The following DCC variants were observed in gnomAD, a reference collection of about 807,000 sequenced individuals.
The protein encoded by DCC is DCC netrin 1 receptor.
DCC carries 58 observed loss-of-function variants against 172.5 expected under a neutral mutation model. The observed-to-expected ratio is 0.34, with a 90% CI of 0.27 to 0.42. DCC has a LOEUF of 0.42. Among genes scored for constraint, DCC ranks in the 10% least tolerant of loss-of-function variants. The pLI is 1.00. For missense variants in DCC, 1,740 were observed against 1,791.0 expected (o/e 0.97, Z 0.51); for synonymous variants, 709 against 644.5 (o/e 1.10, Z -1.52).
chr18:53,167,437 C>T (rs187720181), intron 8 of DCC, among the ~76,000 whole-genome samples: 90 of 152,058 alleles, frequency 5.9e-4, no homozygotes, highest in African/African-American at 2.0e-3. Flanking sequence ...CTCTCCATTA[C>T]GGATAATGAA....
At chr18:53,469,458 A>G (rs147979080) in intron 25 of DCC, among the ~76,000 whole-genome samples, 32 of 152,300 alleles carry the variant, frequency 2.1e-4, no homozygotes, top group African/African-American at 7.5e-4. Flanking sequence ...TTCAGATTTC[A>G]GTATCTCCCA....
intron 7 of DCC, among the ~76,000 whole-genome samples, chr18:53,094,994 A>G (rs1471297569): frequency 6.6e-6 from 1 of 152,166 alleles, no homozygotes; most frequent in Non-Finnish European, 1.5e-5. Flanking sequence ...ATGTCTTGCT[A>G]TTACTACACA....
intron 1 of DCC, among the ~76,000 whole-genome samples, chr18:52,371,760 T>C (rs1433089467): frequency 6.6e-6 from 1 of 152,226 alleles, no homozygotes; most frequent in Non-Finnish European, 1.5e-5. Flanking sequence ...GTCTGGTTTA[T>C]GCTAGTTTCC....
intron 1 of DCC, among the ~76,000 whole-genome samples, chr18:52,462,850 T>TTGAA (rs78177790): frequency 0.22 from 34,006 of 151,516 alleles, 4,563 homozygotes; most frequent in Admixed American, 0.31. Flanking sequence ...GAATTATGTA[T>TTGAA]TGAATGAATG....
chr18:52,758,239 A>G (rs1326753666), intron 2 of DCC, among the ~76,000 whole-genome samples: 3 of 152,216 alleles, frequency 2.0e-5, no homozygotes, highest in Admixed American at 1.3e-4. Flanking sequence ...AAGCTCATAA[A>G]TAATGATCTT....
At chr18:53,363,556 C>T (rs940415096) in intron 15 of DCC, among the ~76,000 whole-genome samples, 1 of 152,056 alleles carries the variant, frequency 6.6e-6, no homozygotes, top group African/African-American at 2.4e-5. Context: ...CATTCTCTCC[C>T]GTGGCCCTCT....
chr18:52,990,899 A>G (rs2041378641), intron 5 of DCC, among the ~76,000 whole-genome samples: 1 of 151,538 alleles, frequency 6.6e-6, no homozygotes, highest in Admixed American at 6.6e-5. Context: ...TCAGTGTGCC[A>G]TGCATGAGCC....
intron 2 of DCC, among the ~76,000 whole-genome samples, chr18:52,784,799 G>A (rs1050485194): frequency 3.3e-5 from 5 of 151,824 alleles, no homozygotes; most frequent in Middle Eastern, 3.2e-3. Flanking sequence ...GGGGTTCATC[G>A]TCTCATGCTG....
intron 2 of DCC, among the ~76,000 whole-genome samples, chr18:52,843,504 A>C (rs1456834192): frequency 6.6e-6 from 1 of 152,122 alleles, no homozygotes. Context: ...TAATATAAAA[A>C]GTACTGCATT....
chr18:53,356,356 A>G (rs980263654), intron 15 of DCC, among the ~76,000 whole-genome samples: 2 of 151,840 alleles, frequency 1.3e-5, no homozygotes, highest in Non-Finnish European at 2.9e-5. Flanking sequence ...TTTCTTCATT[A>G]TGAGTTGTAT....
chr18:52,837,389 G>C (rs2038725141), intron 2 of DCC, among the ~76,000 whole-genome samples: 1 of 152,094 alleles, frequency 6.6e-6, no homozygotes, highest in African/African-American at 2.4e-5. Flanking sequence ...ATGCTCTGCT[G>C]TTCTTGAATG....
At chr18:52,473,118 T>G (rs916588181) in intron 1 of DCC, among the ~76,000 whole-genome samples, 1 of 152,298 alleles carries the variant, frequency 6.6e-6, no homozygotes, top group African/African-American at 2.4e-5. Context: ...AATGTTTTCA[T>G]TATTTTTAGA....
intron 26 of DCC, among the ~76,000 whole-genome samples, chr18:53,487,948 G>T (rs562855925): frequency 5.3e-5 from 8 of 152,142 alleles, no homozygotes; most frequent in Non-Finnish European, 8.8e-5. Flanking sequence ...ACTGGAAATG[G>T]AATTCCAATC....
At chr18:52,917,018 C>G (rs2145472646) in intron 3 of DCC, among the ~76,000 whole-genome samples, 1 of 146,716 alleles carries the variant, frequency 6.8e-6, no homozygotes, top group South Asian at 2.1e-4. Context: ...CACAGTGGCT[C>G]ATGCCCATAA....
chr18:52,729,417 A>G (rs2036601048), intron 1 of DCC, among the ~76,000 whole-genome samples: 1 of 151,910 alleles, frequency 6.6e-6, no homozygotes, highest in African/African-American at 2.4e-5. Flanking sequence ...CCACCACTGC[A>G]CCTGCCTAAT....
chr18:52,942,706 A>G (rs1052563516), intron 5 of DCC, among the ~76,000 whole-genome samples: 1 of 152,196 alleles, frequency 6.6e-6, no homozygotes, highest in Non-Finnish European at 1.5e-5. Flanking sequence ...CTCCTCCATG[A>G]TTCAAATTAT....
intron 24 of DCC, among the ~76,000 whole-genome samples, chr18:53,466,665 A>G (rs1036602305): frequency 6.6e-6 from 1 of 152,136 alleles, no homozygotes; most frequent in African/African-American, 2.4e-5. Flanking sequence ...AGCTGGAACT[A>G]CAGGCAGCCA....
intron 1 of DCC, among the ~76,000 whole-genome samples, chr18:52,672,212 T>C (rs529958238): frequency 3.8e-4 from 58 of 152,324 alleles, no homozygotes; most frequent in Non-Finnish European, 6.9e-4. Flanking sequence ...TTTGTTAGAA[T>C]TGACCTAAGC....
chr18:52,642,381 C>G (rs202038386), intron 1 of DCC, among the ~76,000 whole-genome samples: 1 of 151,792 alleles, frequency 6.6e-6, no homozygotes, highest in Non-Finnish European at 1.5e-5. Flanking sequence ...GTATACTGCT[C>G]GGGTGATGGG....
Sources: allele counts gnomAD v4.1 joint callset (sites outside exome capture counted in the v4.1 genomes callset), GRCh38; gene constraint gnomAD v4.1.1; transcripts MANE v1.5; gene names NCBI Gene and HGNC (gene_info 2026-07-23, HGNC 2026-07-21).